MDGA1: variants seen among roughly 807,000 people sequenced by gnomAD.
MDGA1 encodes MAM domain containing glycosylphosphatidylinositol anchor 1, also known as MAM domain-containing glycosylphosphatidylinositol anchor protein 1.
A neutral mutation model predicts 101.5 loss-of-function variants in MDGA1; 54 were observed. That is an observed-to-expected ratio of 0.53 (90% CI 0.43 to 0.67). The LOEUF (loss-of-function observed/expected upper bound fraction) is 0.67, where lower values mean the gene tolerates loss of function less well. Among genes scored for constraint, MDGA1 ranks in the 30% least tolerant of loss-of-function variants. MDGA1 has a pLI of 0.00. For missense variants in MDGA1, 1,083 were observed against 1,323.8 expected (o/e 0.82, Z 2.82); for synonymous variants, 533 against 558.3 (o/e 0.95, Z 0.64).
chr6:37,688,793 T>C (rs951213542), intron 1 of MDGA1, among the ~76,000 whole-genome samples: 2 of 152,214 alleles, frequency 1.3e-5, no homozygotes, highest in African/African-American at 4.8e-5. Flanking sequence ...TAAACCAGGC[T>C]TCACATGGGG....
intron 14 of MDGA1, among the ~76,000 whole-genome samples, chr6:37,642,125 G>A (rs1212758574): frequency 6.8e-6 from 1 of 146,092 alleles, no homozygotes; most frequent in African/African-American, 2.5e-5. Flanking sequence ...GTGTAAAATG[G>A]GAGGAAATAG....
At chr6:37,690,789 A>T (rs1475534293) in intron 1 of MDGA1, among the ~76,000 whole-genome samples, 2 of 150,264 alleles carry the variant, frequency 1.3e-5, no homozygotes, top group Non-Finnish European at 3.0e-5. Flanking sequence ...AAAAAAAAAA[A>T]TCCTTTACTG....
chr6:37,645,365 C>T (rs1761165339), intron 12 of MDGA1, among the ~76,000 whole-genome samples: 1 of 152,126 alleles, frequency 6.6e-6, no homozygotes, highest in Admixed American at 6.5e-5. Flanking sequence ...GAAACCCCAT[C>T]TCTATTAAAA....
rs6903131 is a variant in MDGA1 at position 37,665,274 on chromosome 6, C to T, written c.68-1168G>A. On this transcript the variant is annotated intron_variant, in intron 1 of 16. Coordinates refer to ENST00000434837, the MANE Select transcript of MDGA1 (RefSeq NM_153487.4). ...TCACAGGTTCTGCTCACAGGTGAGA[C>T]GGGAGAGAGTGAAGGTAGAAGGCCT... 2.0e-5 allele frequency among the ~76,000 whole-genome samples: 3 copies of T among 151,856 alleles called. No homozygotes were observed. The East Asian group carries it at 5.8e-4, about 29-fold the overall frequency.
At position 37,646,221 on chromosome 6, in the gene MDGA1, G is replaced by T; in HGVS notation, c.2201C>A (p.Ser734Tyr). 1 of 1,589,078 alleles carries T rather than the reference G, an allele frequency of 6.3e-7. No homozygotes were observed. The highest frequency in any genetic ancestry group is 8.6e-7 in the Non-Finnish European group (1 of 1,165,140). ...ACGCTCTGTGTAGTGGATGATGCGGGAGGCCATGTCACCAGCCCCGAAGGT... is the reference window on the plus strand; with the variant it reads ...ACGCTCTGTGTAGTGGATGATGCGGTAGGCCATGTCACCAGCCCCGAAGGT... ...YTTFGAGDMA[S>Y]RIIHYTEPIN... The change falls in exon 11 of 17, where the codon TCC becomes TAC. Residue 734 changes from serine to tyrosine, a missense_variant. Physicochemically the swap from Ser to Tyr is moderately radical, Grantham distance 144. Coordinates refer to ENST00000434837, the MANE Select transcript of MDGA1 (RefSeq NM_153487.4).
In MDGA1 at chr6:37,655,855, C is replaced by T. The variant is rs369001316; in HGVS notation, c.424G>A (p.Asp142Asn). The T allele has an allele frequency of 1.4e-5, 22 of 1,613,400 alleles. No homozygotes were observed. The highest frequency in any genetic ancestry group is 9.3e-5 in the African/African-American group (7 of 74,922). The change falls in exon 4 of 17, where the codon GAT becomes AAT. Residue 142 changes from aspartate to asparagine, a missense_variant. Coordinates refer to ENST00000434837, the MANE Select transcript of MDGA1 (RefSeq NM_153487.4). This position sits in a 1 kb window ranked among gnomAD's most constrained non-coding sequence, Gnocchi z 5.1. ...PMLTVHQTVSDVRGNFYQEKT... is the reference protein window; with the variant it reads ...PMLTVHQTVSNVRGNFYQEKT... ...TCCTGGTAGAAGTTGCCTCGCACAT[C>T]GCTCACCGTCTGGTGCACCGTCAGC...
chr6:37,660,179 A>ATT (rs35391424), intron 2 of MDGA1, among the ~76,000 whole-genome samples: 37 of 145,298 alleles, frequency 2.5e-4, no homozygotes, highest in African/African-American at 6.4e-4. Flanking sequence ...CACCTGGCTA[A>ATT]TTTTTTTTTT....
In MDGA1 at chr6:37,644,612, G is replaced by A. The variant is rs1764181599; in HGVS notation, c.2286C>T (p.Gly762=). 6.2e-7 allele frequency: 1 copy of A among 1,601,922 alleles called. No homozygotes were observed. The highest frequency in any genetic ancestry group is 8.5e-7 in the Non-Finnish European group (1 of 1,174,496). ...AGTTGTCTGTCAGGTCCTGGGTATA[G>A]CCACAGATCTTCTCATCCTCAAAGT... is the stretch of plus-strand genomic sequence containing the variant. ...TCHFEDEKIC[G]YTQDLTDNFD... is the part of the protein sequence containing the mutation. The change falls in exon 13 of 17, where the codon GGC becomes GGT. Residue 762 remains glycine (G), a synonymous_variant. Transcript: ENST00000434837.
intron 1 of MDGA1, among the ~76,000 whole-genome samples, chr6:37,680,592 T>C (rs1445324783): frequency 6.6e-6 from 1 of 152,246 alleles, no homozygotes; most frequent in Non-Finnish European, 1.5e-5. Flanking sequence ...TTAGTGCAGG[T>C]GCTCAAAAGA....
rs995770485 is a variant in MDGA1 at position 37,680,823 on chromosome 6, G to A, written c.67+15922C>T. On this transcript the variant is annotated intron_variant, in intron 1 of 16. Transcript: ENST00000434837. Reference sequence around the variant, plus strand: ...CCCAGATCTGGCACGGGCGCAGCGGGTGAGCGCACGCCTGGCGCAGGCCCC... The same window carrying A: ...CCCAGATCTGGCACGGGCGCAGCGGATGAGCGCACGCCTGGCGCAGGCCCC... Among the ~76,000 whole-genome samples the A allele has an allele frequency of 2.6e-5, 4 of 152,256 alleles. No homozygotes were observed. In the East Asian group the frequency reaches 7.7e-4, roughly 29 times the overall value.
intron 1 of MDGA1, among the ~76,000 whole-genome samples, chr6:37,687,668 C>T (rs1762225201): frequency 6.6e-6 from 1 of 152,042 alleles, no homozygotes; most frequent in Non-Finnish European, 1.5e-5. Context: ...GACAGAGTCT[C>T]ACTATGTTGC....
At chr6:37,685,994 C>G (rs374606569) in intron 1 of MDGA1, among the ~76,000 whole-genome samples, 2 of 152,284 alleles carry the variant, frequency 1.3e-5, no homozygotes, top group East Asian at 3.9e-4. Flanking sequence ...GCCCCTAAAA[C>G]GGGTATTTGT....
At chr6:37,678,076 A>AG (rs1762019125) in intron 1 of MDGA1, among the ~76,000 whole-genome samples, 2 of 152,300 alleles carry the variant, frequency 1.3e-5, no homozygotes, top group South Asian at 4.1e-4. Context: ...CAGAAATGTA[A>AG]GGAGGACCTC....
At chr6:37,685,224 G>A (rs905184951) in intron 1 of MDGA1, among the ~76,000 whole-genome samples, 3 of 151,952 alleles carry the variant, frequency 2.0e-5, no homozygotes, top group African/African-American at 4.8e-5. Flanking sequence ...CCCAGGAGAC[G>A]GAGAATGCAG....
chr6:37,636,082 A>G lies in MDGA1; in HGVS notation c.*1286T>C, dbSNP rs1004296406. On this transcript the variant is annotated 3_prime_UTR_variant, in exon 17 of 17. Transcript: ENST00000434837. ...GCACGCATGCCTAAAGAGTCATTCT[A>G]GAAGGGGCTGGGCCTTCTCTCTCCC... 1.2e-4 allele frequency: 24 copies of G among 194,728 alleles called. No individual in the cohort carries two copies. Among genetic ancestry groups the G allele is most frequent in the Non-Finnish European group, 1.0e-4 (10 of 96,420 alleles). The allele number at this position is 194,728 out of a possible 1,614,324, so 12.1% of individuals were successfully genotyped here. A position where few individuals can be genotyped will look rare whatever the true frequency, so the allele number is the denominator to read the frequency against.
At position 37,680,051 on chromosome 6, in the gene MDGA1, C is replaced by T. The variant is rs1195310589; in HGVS notation, c.68-15945G>A. Among the ~76,000 whole-genome samples, 3 of 152,304 alleles carry T rather than the reference C, an allele frequency of 2.0e-5. 1 individual carries two copies. Among genetic ancestry groups the T allele is most frequent in the South Asian group, 4.1e-4 (2 of 4,820 alleles). ...GATGGTGTCATGGAGCCTGGCAAGT[C>T]ATGTGTGACAGCTGACCTCAGAGCT... On this transcript the variant is annotated intron_variant, in intron 1 of 16. Coordinates refer to ENST00000434837, the MANE Select transcript of MDGA1 (RefSeq NM_153487.4).
At chr6:37,644,850 C>A (rs804857) in intron 12 of MDGA1, among the ~76,000 whole-genome samples, 12 of 152,152 alleles carry the variant, frequency 7.9e-5, no homozygotes, top group African/African-American at 2.9e-4. Flanking sequence ...GTGCCCTAGG[C>A]CCTTCTGGCA....
At chr6:37,673,895 A>C (rs1190644069) in intron 1 of MDGA1, among the ~76,000 whole-genome samples, 3 of 151,098 alleles carry the variant, frequency 2.0e-5, no homozygotes, top group Non-Finnish European at 4.4e-5. Context: ...CGATCATTAG[A>C]CTCATGTTCG....
At chr6:37,689,385 C>T (rs1035819507) in intron 1 of MDGA1, among the ~76,000 whole-genome samples, 8 of 152,150 alleles carry the variant, frequency 5.3e-5, no homozygotes. Context: ...TTGTCGATAT[C>T]CCCCCCAGAC....
Sources: allele counts gnomAD v4.1 joint callset (sites outside exome capture counted in the v4.1 genomes callset), GRCh38; gene constraint gnomAD v4.1.1; non-coding constraint Gnocchi (gnomAD v3.1); transcripts MANE v1.5; gene names NCBI Gene and HGNC (gene_info 2026-07-23, HGNC 2026-07-21).